MLLT10: variants seen among roughly 807,000 people sequenced by gnomAD.
MLLT10 encodes the protein MLLT10 histone lysine methyltransferase DOT1L cofactor, also known as protein AF-10.
Under a neutral mutation model 129.1 loss-of-function variants are expected in MLLT10, and 30 were observed. The observed-to-expected ratio is 0.23, with a 90% CI of 0.17 to 0.32. The LOEUF is 0.32. MLLT10 is among the 10% of genes least tolerant of loss of function. MLLT10 has a pLI of 1.00. For synonymous variants in MLLT10, 490 were observed against 446.4 expected (o/e 1.10, Z -1.23); for missense variants, 1,119 against 1,268.3 (o/e 0.88, Z 1.79).
At chr10:21,679,840 A>T (rs1488266706) in intron 11 of MLLT10, among the ~76,000 whole-genome samples, 1 of 152,196 alleles carries the variant, frequency 6.6e-6, no homozygotes, top group Non-Finnish European at 1.5e-5. Context: ...TGAGCATGAG[A>T]GTCATGGGCG....
At chr10:21,631,914 TGAA>T (rs1343853878) in intron 8 of MLLT10, among the ~76,000 whole-genome samples, 12 of 144,670 alleles carry the variant, frequency 8.3e-5, no homozygotes, top group Non-Finnish European at 1.8e-4. Flanking sequence ...TATTACAACT[TGAA>T]GAGTTTTTTT....
At chr10:21,625,572 A>G (rs2131247443) in intron 8 of MLLT10, 1 of 764,716 alleles carries the variant, frequency 1.3e-6, no homozygotes, top group Admixed American at 1.7e-5. Flanking sequence ...TTAAGGAAGC[A>G]GAACCCCCAT....
intron 21 of MLLT10, among the ~76,000 whole-genome samples, chr10:21,739,225 C>T (rs1207205751): frequency 6.6e-6 from 1 of 152,194 alleles, no homozygotes; most frequent in African/African-American, 2.4e-5. Context: ...GTTCTCCTCA[C>T]TTCCTCCTGG....
At chr10:21,720,236 C>T (rs1037048797) in intron 14 of MLLT10, among the ~76,000 whole-genome samples, 6 of 152,174 alleles carry the variant, frequency 3.9e-5, no homozygotes, top group Non-Finnish European at 8.8e-5. Context: ...CGTTAAGCTC[C>T]TAACAATTAG....
At chr10:21,689,661 A>ATTT (rs58409865) in intron 13 of MLLT10, among the ~76,000 whole-genome samples, 6 of 132,362 alleles carry the variant, frequency 4.5e-5, no homozygotes, top group African/African-American at 1.8e-4. Context: ...ATATATATAT[A>ATTT]TTTTTTTTTT....
At chr10:21,696,987 A>T (rs1009284788) in intron 13 of MLLT10, among the ~76,000 whole-genome samples, 3 of 150,238 alleles carry the variant, frequency 2.0e-5, no homozygotes, top group South Asian at 2.1e-4. Flanking sequence ...GAGACTCTAC[A>T]TGAGTTGACT....
At chr10:21,703,833 C>A (rs1038137286) in intron 13 of MLLT10, among the ~76,000 whole-genome samples, 1 of 150,360 alleles carries the variant, frequency 6.7e-6, no homozygotes, top group Non-Finnish European at 1.5e-5. Flanking sequence ...TGTGAGCCAT[C>A]GCACCCGGCC....
At chr10:21,611,835 G>C (rs1225904658) in intron 5 of MLLT10, among the ~76,000 whole-genome samples, 2 of 152,156 alleles carry the variant, frequency 1.3e-5, no homozygotes, top group Non-Finnish European at 2.9e-5. Flanking sequence ...CAGCCTACCC[G>C]TATAGGATTC....
chr10:21,689,546 A>AATATATATATATATATATGT (rs374834462), intron 13 of MLLT10, among the ~76,000 whole-genome samples: 42 of 108,324 alleles, frequency 3.9e-4, no homozygotes, highest in Non-Finnish European at 7.1e-4. Context: ...TGTGTAAAGT[A>AATATATATATATATATATGT]ATATATATAT....
At chr10:21,670,790 A>T (rs2131373516) in intron 10 of MLLT10, 86 bp downstream of exon 10, 1 of 1,379,006 alleles carries the variant, frequency 7.3e-7, no homozygotes, top group East Asian at 2.4e-5. Flanking sequence ...TTGTTTTTGA[A>T]CTTATAACTA....
intron 8 of MLLT10, among the ~76,000 whole-genome samples, chr10:21,649,462 A>C (rs531204445): frequency 6.6e-6 from 1 of 152,308 alleles, no homozygotes; most frequent in South Asian, 2.1e-4. Flanking sequence ...TGTTGCTTTA[A>C]ACCACTCCAC....
At chr10:21,575,672 G>T (rs919761573) in intron 3 of MLLT10, among the ~76,000 whole-genome samples, 1 of 152,098 alleles carries the variant, frequency 6.6e-6, no homozygotes. Flanking sequence ...ACATTGCTTA[G>T]ATTATTATTA....
chr10:21,599,306 C>T (rs11012747), intron 5 of MLLT10, among the ~76,000 whole-genome samples: 1 of 152,168 alleles, frequency 6.6e-6, no homozygotes, highest in African/African-American at 2.4e-5. Context: ...TGTGCCACTG[C>T]ACTCCAGCCT....
At chr10:21,656,120 A>G (rs180794815) in intron 9 of MLLT10, among the ~76,000 whole-genome samples, 2 of 152,244 alleles carry the variant, frequency 1.3e-5, no homozygotes, top group East Asian at 3.9e-4. Flanking sequence ...GAGAGGTAGT[A>G]TGGGCTTCTT....
intron 3 of MLLT10, among the ~76,000 whole-genome samples, chr10:21,570,322 C>T (rs1368229645): frequency 2.6e-5 from 4 of 152,074 alleles, no homozygotes; most frequent in Non-Finnish European, 5.9e-5. Flanking sequence ...ATTTTCCCAC[C>T]TCGGCCTCCC....
At chr10:21,691,836 C>A (rs115030044) in intron 13 of MLLT10, among the ~76,000 whole-genome samples, 2,826 of 151,850 alleles carry the variant, frequency 0.019, 83 homozygotes, top group African/African-American at 0.064. Flanking sequence ...AAGAAAACTT[C>A]CTAGAAAGAA....
At chr10:21,647,782 C>A (rs1385118057) in intron 8 of MLLT10, among the ~76,000 whole-genome samples, 1 of 151,638 alleles carries the variant, frequency 6.6e-6, no homozygotes, top group African/African-American at 2.4e-5. Flanking sequence ...AATTAAAATA[C>A]AGAATTTTTA....
Position 21,565,363 on chromosome 10 carries a change from A to G in MLLT10, c.241-20931A>G, listed in dbSNP as rs2039415530. ...TGCACTGTAGCCTGGGCTGGAGTGC[A>G]GTGGTGTCATCTTGGTTCACTGCAA... On this transcript the variant is annotated intron_variant, in intron 3 of 22. Coordinates refer to ENST00000307729, the MANE Select transcript of MLLT10 (RefSeq NM_001195626.3). Among the ~76,000 whole-genome samples, 4 of 152,096 alleles carry G rather than the reference A, an allele frequency of 2.6e-5. No individual in the cohort carries two copies. In the South Asian group the frequency reaches 6.2e-4, roughly 24 times the overall value.
At chr10:21,587,031 C>T (rs900534562) in intron 4 of MLLT10, among the ~76,000 whole-genome samples, 13 of 149,770 alleles carry the variant, frequency 8.7e-5, no homozygotes, top group African/African-American at 2.7e-4. Context: ...TTGTGTATCT[C>T]TAGACAGATG....
Sources: allele counts gnomAD v4.1 joint callset (sites outside exome capture counted in the v4.1 genomes callset), GRCh38; gene constraint gnomAD v4.1.1; transcripts MANE v1.5; gene names NCBI Gene and HGNC (gene_info 2026-07-23, HGNC 2026-07-21).